The following DLGAP2 variants were observed in gnomAD, a reference collection of about 807,000 sequenced individuals.
DLGAP2 encodes DLG associated protein 2, also known as disks large-associated protein 2.
DLGAP2 carries 26 observed loss-of-function variants against 100.3 expected under a neutral mutation model. The ratio of observed to expected loss-of-function variants is 0.26; its 90% CI spans 0.19 to 0.36. The LOEUF (loss-of-function observed/expected upper bound fraction) is 0.36. Ranked by LOEUF, DLGAP2 falls within the 10% of genes least tolerant of loss-of-function variation. The pLI is 1.00. For missense variants in DLGAP2, 1,858 were observed against 1,453.2 expected, an observed-to-expected ratio of 1.28 and a Z score of -4.53; for synonymous variants, 886 against 630.1, an observed-to-expected ratio of 1.41 and a Z score of -6.08.
At chr8:1,118,123 G>A (rs1157855742) in intron 2 of DLGAP2, among the ~76,000 whole-genome samples, 1 of 152,220 alleles carries the variant, frequency 6.6e-6, no homozygotes, top group African/African-American at 2.4e-5. Flanking sequence ...AGAGGAGCGG[G>A]CGGAGTGGGG....
chr8:1,554,899 CTG>C (rs1291785080), intron 5 of DLGAP2, among the ~76,000 whole-genome samples: 1 of 152,112 alleles, frequency 6.6e-6, no homozygotes, highest in Non-Finnish European at 1.5e-5. Context: ...GAAAACTTCT[CTG>C]TATTTGTAGT....
chr8:1,432,052 C>A (rs1461376088), intron 3 of DLGAP2, among the ~76,000 whole-genome samples: 1 of 151,994 alleles, frequency 6.6e-6, no homozygotes, highest in East Asian at 1.9e-4. Context: ...GGGGCTGAAC[C>A]CTGCCGGCAC....
chr8:1,640,282 G>C (rs1170085223), intron 8 of DLGAP2, among the ~76,000 whole-genome samples: 1 of 152,020 alleles, frequency 6.6e-6, no homozygotes, highest in African/African-American at 2.4e-5. Context: ...ACCCTGGGAA[G>C]CCCAGGTGTG....
chr8:1,663,926 C>T (rs1047776892), intron 8 of DLGAP2, among the ~76,000 whole-genome samples: 9 of 152,152 alleles, frequency 5.9e-5, no homozygotes, highest in African/African-American at 9.7e-5. Flanking sequence ...GAAGTCAGGC[C>T]GTATCCCCAG....
intron 2 of DLGAP2, among the ~76,000 whole-genome samples, chr8:1,195,971 C>T (rs1176564040): frequency 6.6e-6 from 1 of 152,186 alleles, no homozygotes; most frequent in Non-Finnish European, 1.5e-5. Context: ...TTTGGATTGT[C>T]ACACTGGGCA....
chr8:864,565 T>C (rs529577796), intron 1 of DLGAP2, among the ~76,000 whole-genome samples: 17 of 152,298 alleles, frequency 1.1e-4, no homozygotes, highest in South Asian at 1.0e-3. Context: ...GGGAGAGACT[T>C]GGATTATCAA....
chr8:1,001,453 A>G (rs1325341019), intron 2 of DLGAP2, among the ~76,000 whole-genome samples: 2 of 152,214 alleles, frequency 1.3e-5, no homozygotes, highest in Admixed American at 6.5e-5. Flanking sequence ...TTCATCTAGA[A>G]AATGTTTTTG....
chr8:1,459,933 A>T (rs1018312470), intron 3 of DLGAP2, among the ~76,000 whole-genome samples: 2 of 151,868 alleles, frequency 1.3e-5, no homozygotes, highest in African/African-American at 4.8e-5. Flanking sequence ...TGATCCACCC[A>T]CCTCAGCCTC....
intron 12 of DLGAP2, among the ~76,000 whole-genome samples, chr8:1,686,177 C>CCAT (rs1448869222): frequency 6.6e-6 from 1 of 152,008 alleles, no homozygotes; most frequent in Admixed American, 6.6e-5. Context: ...ACCTAGGTTC[C>CCAT]CATCAGTAGA....
At chr8:1,175,415 G>C (rs73532188) in intron 2 of DLGAP2, among the ~76,000 whole-genome samples, 7 of 152,134 alleles carry the variant, frequency 4.6e-5, no homozygotes, top group Non-Finnish European at 7.3e-5. Flanking sequence ...CATCATAGTT[G>C]TGACTAAAAT....
intron 2 of DLGAP2, among the ~76,000 whole-genome samples, chr8:969,824 C>CA (rs1563120364): frequency 6.6e-6 from 1 of 152,042 alleles, no homozygotes; most frequent in Non-Finnish European, 1.5e-5. Flanking sequence ...TTTTGGTGAT[C>CA]GTGTAGACTT....
intron 2 of DLGAP2, among the ~76,000 whole-genome samples, chr8:971,968 C>T (rs1480448599): frequency 6.6e-6 from 1 of 152,108 alleles, no homozygotes; most frequent in Non-Finnish European, 1.5e-5. Flanking sequence ...CCTTCAACAC[C>T]TTTCCACCAC....
intron 1 of DLGAP2, among the ~76,000 whole-genome samples, chr8:746,976 A>G (rs1820632233): frequency 6.6e-6 from 1 of 152,094 alleles, no homozygotes; most frequent in African/African-American, 2.4e-5. Flanking sequence ...AGTTCTCGGG[A>G]AGACCTCCCC....
At chr8:988,092 C>A (rs933776172) in intron 2 of DLGAP2, among the ~76,000 whole-genome samples, 1 of 152,110 alleles carries the variant, frequency 6.6e-6, no homozygotes, top group Non-Finnish European at 1.5e-5. Flanking sequence ...TTCTCATAGG[C>A]CCTGATGGGA....
chr8:874,783 T>C (rs1271442598), intron 1 of DLGAP2, among the ~76,000 whole-genome samples: 2 of 152,204 alleles, frequency 1.3e-5, no homozygotes, highest in African/African-American at 4.8e-5. Flanking sequence ...TTTTGTCTAG[T>C]TGATCTATCC....
intron 2 of DLGAP2, among the ~76,000 whole-genome samples, chr8:1,222,999 C>T (rs2116815750): frequency 6.6e-6 from 1 of 152,294 alleles, no homozygotes; most frequent in Non-Finnish European, 1.5e-5. Context: ...TCCACTGCAG[C>T]CGTTCCCACA....
chr8:1,052,300 A>G (rs1041357295), intron 2 of DLGAP2, among the ~76,000 whole-genome samples: 6 of 152,218 alleles, frequency 3.9e-5, no homozygotes, highest in African/African-American at 4.8e-5. Context: ...AACTCTGAGG[A>G]CATACTTTAC....
chr8:867,871 C>T (rs1405799751), intron 1 of DLGAP2, among the ~76,000 whole-genome samples: 1 of 152,152 alleles, frequency 6.6e-6, no homozygotes, highest in Non-Finnish European at 1.5e-5. Flanking sequence ...TTCCACGTAA[C>T]GCATTTATGA....
intron 3 of DLGAP2, among the ~76,000 whole-genome samples, chr8:1,424,311 T>A (rs552940527): frequency 6.6e-6 from 1 of 152,220 alleles, no homozygotes; most frequent in Non-Finnish European, 1.5e-5. Context: ...CAGAGACTTA[T>A]TAAGACGTGC....
Sources: allele counts gnomAD v4.1 joint callset (sites outside exome capture counted in the v4.1 genomes callset), GRCh38; gene constraint gnomAD v4.1.1; transcripts MANE v1.5; gene names NCBI Gene and HGNC (gene_info 2026-07-23, HGNC 2026-07-21).